The following ADGRL3 variants were observed in gnomAD, a reference collection of about 807,000 sequenced individuals.
The protein encoded by ADGRL3 is adhesion G protein-coupled receptor L3.
ADGRL3 carries 62 observed loss-of-function variants against 153.5 expected under a neutral mutation model. That is an observed-to-expected ratio of 0.40 (90% CI 0.33 to 0.50). ADGRL3 has a LOEUF of 0.50. Among genes scored for constraint, ADGRL3 ranks in the 20% least tolerant of loss-of-function variants. ADGRL3 has a pLI of 0.47. For synonymous variants in ADGRL3, 710 were observed against 672.5 expected (o/e 1.06, Z -0.86); for missense variants, 1,641 against 1,859.4 (o/e 0.88, Z 2.16).
chr4:61,768,904 T>C (rs1370648041), intron 8 of ADGRL3, among the ~76,000 whole-genome samples: 3 of 151,488 alleles, frequency 2.0e-5, no homozygotes, highest in Non-Finnish European at 4.4e-5. Flanking sequence ...AAATAAGGGA[T>C]TGGGGTGCAG....
intron 2 of ADGRL3, among the ~76,000 whole-genome samples, chr4:61,393,603 A>T (rs1340875128): frequency 1.3e-5 from 2 of 152,066 alleles, no homozygotes; most frequent in African/African-American, 2.4e-5. Context: ...ATTATAAATT[A>T]TCATTTTTTT....
intron 13 of ADGRL3, among the ~76,000 whole-genome samples, chr4:61,914,514 G>C (rs976136171): frequency 2.0e-5 from 3 of 152,176 alleles, no homozygotes; most frequent in South Asian, 2.1e-4. Flanking sequence ...CTGGACAAAG[G>C]GGGAATTATC....
intron 1 of ADGRL3, among the ~76,000 whole-genome samples, chr4:61,216,076 A>T (rs934313174): frequency 6.6e-6 from 1 of 152,054 alleles, no homozygotes; most frequent in Admixed American, 6.6e-5. Flanking sequence ...TGAGCTTTTC[A>T]AAAAAACTGA....
intron 1 of ADGRL3, among the ~76,000 whole-genome samples, chr4:61,281,708 G>A (rs1020649919): frequency 2.0e-5 from 3 of 152,122 alleles, no homozygotes; most frequent in Non-Finnish European, 4.4e-5. Flanking sequence ...GATCCAGGAT[G>A]TTAGCTGGCC....
chr4:61,939,701 T>A (rs920857103), intron 15 of ADGRL3, among the ~76,000 whole-genome samples: 1 of 151,916 alleles, frequency 6.6e-6, no homozygotes, highest in African/African-American at 2.4e-5. Context: ...AATTCCTGAC[T>A]TCGTGATCTG....
At chr4:61,919,589 C>T (rs942241566) in intron 13 of ADGRL3, among the ~76,000 whole-genome samples, 7 of 152,146 alleles carry the variant, frequency 4.6e-5, no homozygotes, top group African/African-American at 1.7e-4. Context: ...AACGCTACTA[C>T]ATACAAAGCA....
chr4:61,721,922 T>G (rs2096249968), intron 6 of ADGRL3, among the ~76,000 whole-genome samples: 1 of 152,162 alleles, frequency 6.6e-6, no homozygotes, highest in Admixed American at 6.5e-5. Context: ...TGTATAAAAA[T>G]TTATTTATAG....
At chr4:61,660,456 T>A (rs949967553) in intron 5 of ADGRL3, among the ~76,000 whole-genome samples, 11 of 152,186 alleles carry the variant, frequency 7.2e-5, no homozygotes, top group African/African-American at 1.2e-4. Context: ...ATTCCTTTTT[T>A]AAATCTATTT....
At chr4:61,705,917 C>A (rs2095850160) in intron 6 of ADGRL3, among the ~76,000 whole-genome samples, 1 of 152,096 alleles carries the variant, frequency 6.6e-6, no homozygotes, top group Non-Finnish European at 1.5e-5. Flanking sequence ...CTTTGATATT[C>A]CATTTATAAA....
chr4:61,246,257 C>T (rs1757030674), intron 1 of ADGRL3, among the ~76,000 whole-genome samples: 1 of 151,948 alleles, frequency 6.6e-6, no homozygotes, highest in Admixed American at 6.6e-5. Flanking sequence ...AAGCCCAAGT[C>T]CCTTATTACA....
chr4:61,871,491 CCTG>C (rs2098445249), intron 9 of ADGRL3, among the ~76,000 whole-genome samples: 1 of 152,072 alleles, frequency 6.6e-6, no homozygotes, highest in Admixed American at 6.5e-5. Context: ...TTGAAAACAA[CCTG>C]CTAAGTGACA....
At chr4:62,002,740 G>C (rs28453176) in intron 21 of ADGRL3, among the ~76,000 whole-genome samples, 3,418 of 152,020 alleles carry the variant, frequency 0.022, 134 homozygotes, top group African/African-American at 0.079. Context: ...TATAGTTAGA[G>C]GAAAGAATTC....
chr4:61,267,433 C>G (rs959590129), intron 1 of ADGRL3, among the ~76,000 whole-genome samples: 1 of 151,644 alleles, frequency 6.6e-6, no homozygotes, highest in Non-Finnish European at 1.5e-5. Context: ...TCCTATTTTC[C>G]ACTACCATGC....
chr4:61,484,294 A>G (rs1035191206), intron 2 of ADGRL3, among the ~76,000 whole-genome samples: 6 of 152,096 alleles, frequency 3.9e-5, no homozygotes, highest in Non-Finnish European at 7.4e-5. Flanking sequence ...CGTTTTGACT[A>G]CCAATTAAAA....
chr4:61,568,928 C>A (rs988696558), intron 4 of ADGRL3, among the ~76,000 whole-genome samples: 1 of 152,006 alleles, frequency 6.6e-6, no homozygotes. Context: ...ATCTATGGAT[C>A]GTGACTAATG....
At chr4:61,576,342 C>T in intron 4 of ADGRL3, among the ~76,000 whole-genome samples, 1 of 151,762 alleles carries the variant, frequency 6.6e-6, no homozygotes, top group East Asian at 1.9e-4. Flanking sequence ...TATATTTTGC[C>T]TAGAATTGAT....
intron 17 of ADGRL3, among the ~76,000 whole-genome samples, chr4:61,959,976 A>G (rs1050479989): frequency 4.6e-5 from 7 of 152,154 alleles, no homozygotes; most frequent in African/African-American, 1.2e-4. Context: ...TACTTTAACT[A>G]ATGTATTTAT....
intron 24 of ADGRL3, among the ~76,000 whole-genome samples, chr4:62,044,007 A>G (rs1247462788): frequency 1.3e-5 from 2 of 151,972 alleles, no homozygotes; most frequent in African/African-American, 4.8e-5. Context: ...ACTCTTTTGC[A>G]AGATTCTGAT....
At chr4:61,443,691 A>G (rs935704159) in intron 2 of ADGRL3, among the ~76,000 whole-genome samples, 21 of 152,088 alleles carry the variant, frequency 1.4e-4, no homozygotes, top group Non-Finnish European at 2.9e-5. Context: ...TTGGCTCTCT[A>G]TACTCATTTT....
Sources: allele counts gnomAD v4.1 joint callset (sites outside exome capture counted in the v4.1 genomes callset), GRCh38; gene constraint gnomAD v4.1.1; transcripts MANE v1.5; gene names NCBI Gene and HGNC (gene_info 2026-07-23, HGNC 2026-07-21).